LMNTD2: variants seen among roughly 807,000 people sequenced by gnomAD.
LMNTD2 encodes lamin tail domain containing 2.
LMNTD2 carries 83 observed loss-of-function variants against 70.1 expected under a neutral mutation model. That is an observed-to-expected ratio of 1.18 (90% CI 0.99 to 1.42). LMNTD2 has a LOEUF of 1.42. LMNTD2 is among the 40% of genes most tolerant of loss of function. LMNTD2 has a pLI of 0.00. For synonymous variants in LMNTD2, 534 were observed against 406.1 expected (o/e 1.31, Z -3.79); for missense variants, 1,153 against 905.9 (o/e 1.27, Z -3.50).
Position 556,492 on chromosome 11 carries a change from C to T in LMNTD2, c.1073G>A (p.Ser358Asn), listed in dbSNP as rs946065688. The change falls in exon 9 of 14, where the codon AGC becomes AAC. Residue 358 changes from serine (S) to asparagine (N), a missense_variant and splice_region_variant. Physicochemically the swap from Ser to Asn is conservative, Grantham distance 46. Transcript: ENST00000329451. The part of the protein sequence containing the change: ...PDHWSPELLQ[S>N]PTGLKIVAVS... ...GAGGCTTGGGTCACTCGCCCCTTAC[C>T]TCTGCAGGAGTTCCGGGCTCCAGTG... is the stretch of plus-strand genomic sequence containing the variant. The T allele has an allele frequency of 9.7e-6, 15 of 1,551,150 alleles. 1 individual carries two copies. The highest frequency in any genetic ancestry group is 3.3e-4 in the Middle Eastern group (2 of 5,988).
chr11:556,920 C>A lies in LMNTD2; in HGVS notation c.891G>T (p.Gln297His). The part of the protein sequence containing the change: ...SCRPGLPSFV[Q>H]VIGHPPRDHR... ...GGTCCCGGGGCGGGTGCCCTATCAC[C>A]TGCACGAAGGAAGGCAGGCCCGGCC... Residue 297 changes from glutamine (Q) to histidine (H), a missense_variant, in exon 8 of 14, where the codon CAG becomes CAT. Transcript: ENST00000329451. 1.9e-6 allele frequency: 3 copies of A among 1,597,964 alleles called. No individual in the cohort carries two copies. The highest frequency in any genetic ancestry group is 2.6e-6 in the Non-Finnish European group (3 of 1,175,950).
Position 555,349 on chromosome 11 carries a change from G to A in LMNTD2, c.1729C>T (p.Leu577=). ...TGGAGCCGACAGTCCTCCAGGCCCA[G>A]CCCGGCCTCTGCGGGAGGCGACGGC... ...TLPSPPAEAG[L]GLEDCRLQKE... The change falls in exon 13 of 14, where the codon CTG becomes TTG. Residue 577 remains leucine, a synonymous_variant. Transcript: ENST00000329451. 2 of 1,424,930 alleles carry A rather than the reference G, an allele frequency of 1.4e-6. No homozygotes were observed. Among genetic ancestry groups the A allele is most frequent in the South Asian group, 1.6e-5 (1 of 63,036 alleles). 88.3% of individuals were successfully genotyped at this position (1,424,930 alleles called of 1,614,324 possible). A position where few individuals can be genotyped will look rare whatever the true frequency, so the allele number is the denominator to read the frequency against.
At chr11:559,008 G>A (rs200187742) in intron 1 of LMNTD2, 29 bp from the exon 2 acceptor site, 70 of 1,593,808 alleles carry the variant, frequency 4.4e-5, no homozygotes, top group Admixed American at 8.4e-5. Context: ...CCTCTTCCTC[G>A]GTTTCTTCAA....
chr11:558,516 G>A (rs959166238), intron 3 of LMNTD2, 98 bp downstream of exon 3: 2 of 1,431,322 alleles, frequency 1.4e-6, no homozygotes, highest in Non-Finnish European at 1.9e-6. Flanking sequence ...ATGAGGGTAA[G>A]GATCTGCCTC....
In LMNTD2 at chr11:556,385, G is replaced by C; in HGVS notation, c.1074-10C>G. On this transcript the variant is annotated splice_polypyrimidine_tract_variant and intron_variant, in intron 9 of 13. Transcript: ENST00000329451. The stretch of plus-strand genomic sequence containing the variant: ...CTTCAGGCCTGTCGGGCTGGGAAGA[G>C]AGGAGACGCTGTGAGGAGATGCGGC... 5 of 1,537,352 alleles carry C rather than the reference G, an allele frequency of 3.3e-6. No homozygotes were observed. The highest frequency in any genetic ancestry group is 4.4e-6 in the Non-Finnish European group (5 of 1,145,752).
At chr11:557,549 C>T in intron 6 of LMNTD2, 23 bp downstream of exon 6, 4 of 1,613,464 alleles carry the variant, frequency 2.5e-6, no homozygotes, top group Non-Finnish European at 3.4e-6. Flanking sequence ...TACCAGACCA[C>T]ACACGTGGGA....
Position 560,700 on chromosome 11 carries a change from G to T in LMNTD2, c.17C>A (p.Pro6His), listed in dbSNP as rs1452639222. The change falls in exon 1 of 14, where the codon CCC becomes CAC. Residue 6 changes from proline (P) to histidine (H), a missense_variant. By Grantham distance (77) the Pro-to-His change is moderately conservative. Transcript: ENST00000329451. MRWLR[P>H]AGRRREQESV... is the part of the protein sequence containing the mutation. ...ACACCTACCCCGACGCCTGCCCGCGGGCCGCAGCCACCGCATTTCCGCGTT... is the reference window on the plus strand; with the variant it reads ...ACACCTACCCCGACGCCTGCCCGCGTGCCGCAGCCACCGCATTTCCGCGTT... 1.4e-6 allele frequency: 2 copies of T among 1,443,262 alleles called. No homozygotes were observed. 89.4% of individuals were successfully genotyped at this position (1,443,262 alleles called of 1,614,324 possible). A position where few individuals can be genotyped will look rare whatever the true frequency, so the allele number is the denominator to read the frequency against.
rs1375716552 is a variant in LMNTD2 at position 556,506 on chromosome 11, C to T, written c.1059G>A (p.Pro353=). ...QPCTDPDHWS[P]ELLQSPTGLK... ...TCGCCCCTTACCTCTGCAGGAGTTC[C>T]GGGCTCCAGTGGTCCGGGTCTGTGC... The change falls in exon 9 of 14, where the codon CCG becomes CCA. Residue 353 remains proline (P), a synonymous_variant. Transcript: ENST00000329451. 3 of 1,552,644 alleles carry T rather than the reference C, an allele frequency of 1.9e-6. No homozygotes were observed. The highest frequency in any genetic ancestry group is 3.9e-5 in the Admixed American group (2 of 51,244).
In LMNTD2 at chr11:556,604, C is replaced by T. The variant is rs1027277618; in HGVS notation, c.977-16G>A. ...TTCTGGAGATCTAGAGAGAGCAGCG[C>T]TTTTGGGGAGGGGACCCTCGAATGG... On this transcript the variant is annotated splice_polypyrimidine_tract_variant and intron_variant, in intron 8 of 13. Coordinates refer to ENST00000329451, the MANE Select transcript of LMNTD2 (RefSeq NM_173573.3). The T allele has an allele frequency of 6.7e-7, 1 of 1,501,144 alleles. No individual in the cohort carries two copies. Among genetic ancestry groups the T allele is most frequent in the African/African-American group, 1.4e-5 (1 of 71,386 alleles). The allele number at this position is 1,501,144 out of a possible 1,614,324, so 93.0% of individuals were successfully genotyped here.
At chr11:557,701 C>T (rs945505955) in intron 5 of LMNTD2, 61 bp from the exon 6 acceptor site, 11 of 1,610,838 alleles carry the variant, frequency 6.8e-6, no homozygotes, top group African/African-American at 2.7e-5. Context: ...AGCACCTCTC[C>T]TCTTTGACCT....
rs111784302 is a variant in LMNTD2 at position 559,579 on chromosome 11, C to T, written c.35-600G>A. 3,762 of 1,189,820 alleles carry T rather than the reference C, an allele frequency of 3.2e-3. 94 individuals carry two copies. In the African/African-American group the frequency reaches 0.054, roughly 17 times the overall value. The allele number at this position is 1,189,820 out of a possible 1,614,324, so 73.7% of individuals were successfully genotyped here. ...GTGACCAACACCCTGAGGGAGGCCC[C>T]AGCATCCCCTACCTAGCCTGGCAGC... On this transcript the variant is annotated intron_variant, in intron 1 of 13. Coordinates refer to ENST00000329451, the MANE Select transcript of LMNTD2 (RefSeq NM_173573.3).
rs1589824713 is a variant in LMNTD2, at chr11:554,932, G to C, written c.*48C>G. 2.2e-6 allele frequency: 3 copies of C among 1,395,304 alleles called. No individual in the cohort carries two copies. The East Asian group carries it at 8.4e-5, about 39-fold the overall frequency. 86.4% of individuals were successfully genotyped at this position (1,395,304 alleles called of 1,614,324 possible). A position where few individuals can be genotyped will look rare whatever the true frequency, so the allele number is the denominator to read the frequency against. On this transcript the variant is annotated 3_prime_UTR_variant, in exon 14 of 14. Coordinates refer to ENST00000329451, the MANE Select transcript of LMNTD2 (RefSeq NM_173573.3). ...AGCGGACACAGCCCGCCCAGCCCCG[G>C]CGCCCGCCCGCGCCCTCCCTCGCGG...
At position 556,902 on chromosome 11, in the gene LMNTD2, G is replaced by A; in HGVS notation, c.909C>T (p.Pro303=). The A allele has an allele frequency of 6.3e-7, 1 of 1,595,078 alleles. No individual in the cohort carries two copies. The change falls in exon 8 of 14, where the codon CCC becomes CCT. Residue 303 remains proline, a synonymous_variant. Coordinates refer to ENST00000329451, the MANE Select transcript of LMNTD2 (RefSeq NM_173573.3). ...PSFVQVIGHP[P]RDHRASSEQA... is the part of the protein sequence containing the mutation. ...GCTCGGAGGAAGCGCGGTGGTCCCG[G>A]GGCGGGTGCCCTATCACCTGCACGA...
chr11:555,693 C>T, intron 12 of LMNTD2, 41 bp downstream of exon 12: 1 of 1,370,494 alleles, frequency 7.3e-7, no homozygotes, highest in Non-Finnish European at 9.3e-7. Flanking sequence ...GGGTCGGGGC[C>T]TGGGGAGGGA....
chr11:554,949 C>T lies in LMNTD2; in HGVS notation c.*31G>A. On this transcript the variant is annotated 3_prime_UTR_variant, in exon 14 of 14. Transcript: ENST00000329451. ...CAGCCCCGGCGCCCGCCCGCGCCCTCCCTCGCGGTCCCGGCCCCACTCCTC... is the reference window on the plus strand; with the variant it reads ...CAGCCCCGGCGCCCGCCCGCGCCCTTCCTCGCGGTCCCGGCCCCACTCCTC... The T allele has an allele frequency of 6.8e-7, 1 of 1,479,304 alleles. No individual in the cohort carries two copies. Among genetic ancestry groups the T allele is most frequent in the Non-Finnish European group, 8.9e-7 (1 of 1,119,852 alleles). The allele number at this position is 1,479,304 out of a possible 1,614,324, so 91.6% of individuals were successfully genotyped here. A position where few individuals can be genotyped will look rare whatever the true frequency, so the allele number is the denominator to read the frequency against.
chr11:559,096 G>A (rs116709785), intron 1 of LMNTD2, 117 bp from the exon 2 acceptor site: 58,253 of 1,518,344 alleles, frequency 0.038, 1,230 homozygotes, highest in Middle Eastern at 0.092. Flanking sequence ...TGCCGTGTGC[G>A]CCTCGTGTGG....
In LMNTD2 at chr11:558,264, C is replaced by A. The variant is rs749338092; in HGVS notation, c.312-16G>T. The stretch of plus-strand genomic sequence containing the variant: ...GTGGGAGCTCCTGGAGGAGGGGTGA[C>A]CTCAGCAGCCCCCACCCTGCTCAGG... On this transcript the variant is annotated splice_polypyrimidine_tract_variant and intron_variant, in intron 3 of 13. Transcript: ENST00000329451. 31 of 1,611,996 alleles carry A rather than the reference C, an allele frequency of 1.9e-5. No individual in the cohort carries two copies. Among genetic ancestry groups the A allele is most frequent in the Middle Eastern group, 3.3e-4 (2 of 6,074 alleles).
At position 555,793 on chromosome 11, in the gene LMNTD2, T is replaced by A. The variant is rs979723878; in HGVS notation, c.1515A>T (p.Pro505=). Residue 505 remains proline (P), a synonymous_variant, in exon 12 of 14, where the codon CCA becomes CCT. Transcript: ENST00000329451. ...CCCGGCCTTTGCGCAGGGGTCGAGG[T>A]GGGCGCGGCGGCTTGCGGGTGTCGG... ...PGADTRKPPR[P]PRPLRKGRVR... is the part of the protein sequence containing the mutation. 1.3e-6 allele frequency: 2 copies of A among 1,516,560 alleles called. No individual in the cohort carries two copies. The highest frequency in any genetic ancestry group is 2.9e-5 in the African/African-American group (2 of 68,630). 93.9% of individuals were successfully genotyped at this position (1,516,560 alleles called of 1,614,324 possible).
Position 557,414 on chromosome 11 carries a change from G to C in LMNTD2, c.698C>G (p.Pro233Arg). 6.2e-7 allele frequency: 1 copy of C among 1,606,086 alleles called. No individual in the cohort carries two copies. ...GTGCAGTTACTTTTGCTTTGAGCTG[G>C]GCTCCATGTTGGTGAAGAGGTTGGG... ...RYPNLFTNME[P>R]SSKQKQPRPW... The change falls in exon 7 of 14, where the codon CCC becomes CGC. Residue 233 changes from proline to arginine, a missense_variant. Physicochemically the swap from Pro to Arg is moderately radical, Grantham distance 103. Transcript: ENST00000329451.
Sources: gnomAD v4.1 joint callset for allele counts on GRCh38, gnomAD v4.1.1 for gene constraint, MANE v1.5 for transcripts, NCBI Gene and HGNC (gene_info 2026-07-23, HGNC 2026-07-21) for gene names.